Variants in ERCC8 observed in about 807,000 individuals in gnomAD.
The protein encoded by ERCC8 is ERCC excision repair 8, CSA ubiquitin ligase complex subunit, also known as DNA excision repair protein ERCC-8.
A neutral mutation model predicts 54.9 loss-of-function variants in ERCC8; 52 were observed. The ratio of observed to expected loss-of-function variants is 0.95; its 90% confidence interval spans 0.76 to 1.19. ERCC8 has a LOEUF of 1.19. Ranked by LOEUF, ERCC8 falls within the 50% of genes most tolerant of loss-of-function variation. The pLI, the probability that ERCC8 is intolerant of heterozygous loss-of-function variation, is 0.00. For synonymous variants in ERCC8, 146 were observed against 157.2 expected (o/e 0.93, Z 0.53); for missense variants, 514 against 466.1 (o/e 1.10, Z -0.95).
chr5:60,892,457 A>C, intron 9 of ERCC8: 2 of 563,520 alleles, frequency 3.5e-6, no homozygotes, highest in Non-Finnish European at 7.0e-6. Flanking sequence ...GCAGAGTGTG[A>C]GTGGGTGGTG....
intron 1 of ERCC8, among the ~76,000 whole-genome samples, chr5:60,929,696 A>G (rs158930): frequency 0.044 from 6,765 of 152,312 alleles, 287 homozygotes; most frequent in Admixed American, 0.13. Context: ...GACAAATGAC[A>G]TTTCTGATAT....
At chr5:60,878,636 T>C (rs1245429304) in intron 11 of ERCC8, among the ~76,000 whole-genome samples, 3 of 152,244 alleles carry the variant, frequency 2.0e-5, no homozygotes, top group Admixed American at 1.3e-4. Flanking sequence ...CCATTTCTTC[T>C]AGATTTTCTA....
intron 11 of ERCC8, among the ~76,000 whole-genome samples, chr5:60,878,817 C>T (rs1238217103): frequency 6.6e-6 from 1 of 152,118 alleles, no homozygotes; most frequent in Non-Finnish European, 1.5e-5. Flanking sequence ...TTACAAAAAC[C>T]AGCTCCTGGA....
At chr5:60,913,389 T>C (rs1171298640) in intron 4 of ERCC8, among the ~76,000 whole-genome samples, 3 of 152,156 alleles carry the variant, frequency 2.0e-5, no homozygotes, top group Non-Finnish European at 2.9e-5. Context: ...TAGAGGTGTT[T>C]ATTGTATTCT....
Position 60,891,060 on chromosome 5 carries a change from G to A in ERCC8, c.870C>T (p.Asn290=). 1 of 1,611,818 alleles carries A rather than the reference G, an allele frequency of 6.2e-7. No homozygotes were observed. Among genetic ancestry groups the A allele is most frequent in the Non-Finnish European group, 8.5e-7 (1 of 1,179,298 alleles). The change falls in exon 10 of 12, where the codon AAC becomes AAT. Residue 290 remains asparagine (N), a synonymous_variant. Transcript: ENST00000676185. ...CAGTGAATTTCAATCCTTTTTTACTGTTATTACAAACTTTTCCATAGTTCA... is the reference window on the plus strand; with the variant it reads ...CAGTGAATTTCAATCCTTTTTTACTATTATTACAAACTTTTCCATAGTTCA... The part of the protein sequence containing the change: ...TLVNYGKVCN[N]SKKGLKFTVS...
intron 11 of ERCC8, among the ~76,000 whole-genome samples, chr5:60,882,970 A>AACACACACACACACACACACACACAC (rs10550173): frequency 6.9e-6 from 1 of 144,738 alleles, no homozygotes; most frequent in African/African-American, 2.6e-5. Flanking sequence ...GCCCTGGGAA[A>AACACACACACACACACACACACACAC]ACACACACAC....
Position 60,934,927 on chromosome 5 carries a change from C to T in ERCC8, c.78-5968G>A, listed in dbSNP as rs555326720. Among the ~76,000 whole-genome samples the T allele has an allele frequency of 7.2e-5, 11 of 152,242 alleles. No homozygotes were observed. The South Asian group carries it at 2.3e-3, about 32-fold the overall frequency. ...CACTCTGTTCCGTTGGTCTATATGC[C>T]TATTTTTATTACCACTAGCATGCTG... is the stretch of plus-strand genomic sequence containing the variant. On this transcript the variant is annotated intron_variant, in intron 1 of 11. Coordinates refer to ENST00000676185, the MANE Select transcript of ERCC8 (RefSeq NM_000082.4).
At chr5:60,931,091 G>A (rs1316885769) in intron 1 of ERCC8, among the ~76,000 whole-genome samples, 6 of 151,658 alleles carry the variant, frequency 4.0e-5, no homozygotes, top group African/African-American at 1.5e-4. Context: ...ACTCCAACCT[G>A]GGTGACAAAG....
chr5:60,873,294 G>GA lies in ERCC8; in HGVS notation c.*1320dup, dbSNP rs200792559. Among the ~76,000 whole-genome samples the GA allele has an allele frequency of 1.2e-4, 18 of 151,136 alleles. No individual in the cohort carries two copies. Among genetic ancestry groups the GA allele is most frequent in the South Asian group, 6.3e-4 (3 of 4,790 alleles). On this transcript the variant is annotated 3_prime_UTR_variant, in exon 12 of 12. Transcript: ENST00000676185. ...TACATACAATTTTATCTGCCAATTG[G>GA]AAAAAAAAATCAATTGTAAAAGCAA...
intron 4 of ERCC8, chr5:60,909,545 G>A (rs1749192926): frequency 6.2e-6 from 1 of 162,304 alleles, no homozygotes; most frequent in Non-Finnish European, 1.3e-5. Context: ...TGAAGATGAT[G>A]AGGATAAAGA....
At chr5:60,879,832 G>A in intron 11 of ERCC8, among the ~76,000 whole-genome samples, 1 of 152,194 alleles carries the variant, frequency 6.6e-6, no homozygotes, top group Admixed American at 6.5e-5. Flanking sequence ...TTGCCAGTCT[G>A]TGTCTTTTAA....
intron 11 of ERCC8, among the ~76,000 whole-genome samples, chr5:60,876,921 TTG>T (rs1275221747): frequency 1.3e-5 from 2 of 152,164 alleles, no homozygotes; most frequent in Non-Finnish European, 2.9e-5. Context: ...TTTGTTGCCA[TTG>T]CTTTTGGTGT....
rs765529545 is a variant in ERCC8, at chr5:60,944,899, G to A, written c.77+33C>T. The A allele has an allele frequency of 2.7e-6, 4 of 1,490,954 alleles. No homozygotes were observed. The Admixed American group carries it at 6.7e-5, about 25-fold the overall frequency. 92.4% of individuals were successfully genotyped at this position (1,490,954 alleles called of 1,614,324 possible). On this transcript the variant is annotated intron_variant, in intron 1 of 11. Coordinates refer to ENST00000676185, the MANE Select transcript of ERCC8 (RefSeq NM_000082.4). The stretch of plus-strand genomic sequence containing the variant: ...ACAGTCATTGGTCCAGATTCTAACT[G>A]GCCTGTTAGCCAAAAAGTAAGGTTT...
At chr5:60,910,345 G>C (rs1004378613) in intron 4 of ERCC8, among the ~76,000 whole-genome samples, 2 of 152,000 alleles carry the variant, frequency 1.3e-5, no homozygotes, top group Non-Finnish European at 2.9e-5. Flanking sequence ...TCACTCTTTT[G>C]TTTCAAGAGT....
At chr5:60,916,776 T>C (rs955399493) in intron 4 of ERCC8, among the ~76,000 whole-genome samples, 1 of 152,094 alleles carries the variant, frequency 6.6e-6, no homozygotes, top group Non-Finnish European at 1.5e-5. Context: ...AGAATCATAA[T>C]ATACTTCATG....
intron 1 of ERCC8, among the ~76,000 whole-genome samples, chr5:60,935,908 A>C (rs961416062): frequency 6.6e-6 from 1 of 152,092 alleles, no homozygotes; most frequent in Admixed American, 6.5e-5. Flanking sequence ...ATGGTGGATT[A>C]TATTTTTTAT....
intron 4 of ERCC8, among the ~76,000 whole-genome samples, chr5:60,911,037 T>G (rs1347867081): frequency 6.6e-6 from 1 of 152,142 alleles, no homozygotes; most frequent in African/African-American, 2.4e-5. Context: ...ATTCCTAGTA[T>G]GCAGAGAATT....
intron 8 of ERCC8, 63 bp from the exon 9 acceptor site, chr5:60,898,463 T>C (rs1336562560): frequency 5.7e-6 from 9 of 1,589,358 alleles, no homozygotes; most frequent in Admixed American, 3.3e-5. Flanking sequence ...TAATGTTTGA[T>C]GATATAATTA....
At chr5:60,894,146 G>A (rs1320706677) in intron 9 of ERCC8, among the ~76,000 whole-genome samples, 2 of 151,864 alleles carry the variant, frequency 1.3e-5, no homozygotes, top group African/African-American at 2.4e-5. Context: ...CACCACGCCC[G>A]GCTAATTTTT....
Sources: gnomAD v4.1 joint callset for allele counts (sites outside exome capture counted in the v4.1 genomes callset) on GRCh38, gnomAD v4.1.1 for gene constraint, MANE v1.5 for transcripts, NCBI Gene and HGNC (gene_info 2026-07-23, HGNC 2026-07-21) for gene names.